The following NRXN1 variants were observed in gnomAD, a reference collection of about 807,000 sequenced individuals.
NRXN1 encodes the protein neurexin 1.
A neutral mutation model predicts 150.9 loss-of-function variants in NRXN1; 39 were observed. The observed-to-expected ratio is 0.26, with a 90% CI of 0.20 to 0.34. The LOEUF (loss-of-function observed/expected upper bound fraction) is 0.34, where lower values mean the gene tolerates loss of function less well. Ranked by LOEUF, NRXN1 falls within the 10% of genes least tolerant of loss-of-function variation. The pLI, the probability that NRXN1 is intolerant of heterozygous loss-of-function variation, is 1.00. For synonymous variants in NRXN1, 924 were observed against 757.0 expected, an observed-to-expected ratio of 1.22 and a Z score of -3.62; for missense variants, 1,815 against 1,949.9, an observed-to-expected ratio of 0.93 and a Z score of 1.30.
intron 5 of NRXN1, among the ~76,000 whole-genome samples, chr2:50,896,144 C>A (rs1416383936): frequency 6.6e-6 from 1 of 152,088 alleles, no homozygotes; most frequent in East Asian, 1.9e-4. Flanking sequence ...TTACTGAGTC[C>A]TGTTAGAGAA....
At chr2:50,441,387 T>C (rs1176129955) in intron 17 of NRXN1, among the ~76,000 whole-genome samples, 3 of 152,202 alleles carry the variant, frequency 2.0e-5, no homozygotes, top group East Asian at 1.9e-4. Flanking sequence ...TAAGTAGAGA[T>C]ATATTTCTTG....
chr2:50,107,539 A>ATATATATATATATT (rs59921941), intron 18 of NRXN1, among the ~76,000 whole-genome samples: 175 of 129,840 alleles, frequency 1.3e-3, no homozygotes, highest in African/African-American at 3.6e-3. Flanking sequence ...ATATATATAT[A>ATATATATATATATT]TTTTTTTTTT....
chr2:50,778,992 T>C (rs1282316971), intron 5 of NRXN1, among the ~76,000 whole-genome samples: 2 of 152,198 alleles, frequency 1.3e-5, no homozygotes, highest in African/African-American at 4.8e-5. Context: ...GCCAAGACTA[T>C]GTCTCTGTAC....
At chr2:50,214,969 C>G (rs1027932219) in intron 18 of NRXN1, among the ~76,000 whole-genome samples, 18 of 151,978 alleles carry the variant, frequency 1.2e-4, no homozygotes, top group African/African-American at 4.1e-4. Flanking sequence ...TTTAATATAG[C>G]TAGGTCCCTG....
chr2:50,009,741 C>T (rs1685346744), intron 21 of NRXN1, among the ~76,000 whole-genome samples: 1 of 152,104 alleles, frequency 6.6e-6, no homozygotes, highest in Non-Finnish European at 1.5e-5. Flanking sequence ...TATTAAAATA[C>T]ACCAAGTTCT....
At position 49,947,521 on chromosome 2, in the gene NRXN1, T is replaced by C. The variant is rs1216346589; in HGVS notation, c.4129-3730A>G. On this transcript the variant is annotated intron_variant, in intron 21 of 22. Transcript: ENST00000401669. ...TTTCTTTCTTTTTTTTTTCTTTTTT[T>C]TTTTTTTTTTGTAGAGATAAGGTTC... Among the ~76,000 whole-genome samples the C allele has an allele frequency of 4.1e-5, 6 of 145,020 alleles. No individual in the cohort carries two copies. The South Asian group carries it at 8.9e-4, about 21-fold the overall frequency.
chr2:50,846,804 T>C (rs952562208), intron 5 of NRXN1, among the ~76,000 whole-genome samples: 1 of 152,182 alleles, frequency 6.6e-6, no homozygotes, highest in African/African-American at 2.4e-5. Flanking sequence ...CAAGCCCCTA[T>C]AACAAAAGAC....
intron 5 of NRXN1, among the ~76,000 whole-genome samples, chr2:50,652,471 G>C (rs1685783797): frequency 6.6e-6 from 1 of 151,950 alleles, no homozygotes; most frequent in Non-Finnish European, 1.5e-5. Flanking sequence ...CAATTAATAG[G>C]GAACCACATA....
At chr2:50,766,852 T>C (rs1055825470) in intron 5 of NRXN1, among the ~76,000 whole-genome samples, 1 of 152,012 alleles carries the variant, frequency 6.6e-6, no homozygotes, top group Non-Finnish European at 1.5e-5. Context: ...AATTTAGTAA[T>C]TAGTGAAAGT....
At chr2:50,356,567 C>T (rs1427733225) in intron 17 of NRXN1, among the ~76,000 whole-genome samples, 4 of 152,138 alleles carry the variant, frequency 2.6e-5, no homozygotes, top group Non-Finnish European at 4.4e-5. Flanking sequence ...CCCCGGAGAA[C>T]TGTGTGTTTA....
At chr2:50,730,764 C>T (rs896799623) in intron 5 of NRXN1, among the ~76,000 whole-genome samples, 3 of 151,116 alleles carry the variant, frequency 2.0e-5, no homozygotes, top group African/African-American at 7.3e-5. Flanking sequence ...GCTCCGCCTC[C>T]CGGGTTCACG....
intron 21 of NRXN1, among the ~76,000 whole-genome samples, chr2:49,993,766 C>T (rs1363031): frequency 3.3e-5 from 5 of 151,908 alleles, no homozygotes; most frequent in Non-Finnish European, 5.9e-5. Flanking sequence ...AATAGAAAAA[C>T]GTAAGGCAAT....
At chr2:50,864,225 C>T (rs986121709) in intron 5 of NRXN1, among the ~76,000 whole-genome samples, 4 of 152,062 alleles carry the variant, frequency 2.6e-5, no homozygotes, top group African/African-American at 9.6e-5. Context: ...AAAACATCAA[C>T]TAAGACCCAG....
At chr2:49,976,719 GTTCTT>G (rs1283946074) in intron 21 of NRXN1, among the ~76,000 whole-genome samples, 2 of 152,144 alleles carry the variant, frequency 1.3e-5, no homozygotes, top group African/African-American at 4.8e-5. Flanking sequence ...TCAACTTGAA[GTTCTT>G]TTATCTATGA....
intron 5 of NRXN1, among the ~76,000 whole-genome samples, chr2:50,628,248 T>C (rs1681538491): frequency 6.6e-6 from 1 of 151,860 alleles, no homozygotes; most frequent in Non-Finnish European, 1.5e-5. Flanking sequence ...TGAAGTTATA[T>C]GGGTGTTGAT....
chr2:50,355,252 T>G (rs951796415), intron 17 of NRXN1, among the ~76,000 whole-genome samples: 4 of 141,574 alleles, frequency 2.8e-5, no homozygotes, highest in African/African-American at 1.1e-4. Context: ...ATTATATATA[T>G]ATACATATAT....
At chr2:50,787,815 G>C (rs1705352766) in intron 5 of NRXN1, among the ~76,000 whole-genome samples, 1 of 151,964 alleles carries the variant, frequency 6.6e-6, no homozygotes, top group African/African-American at 2.4e-5. Flanking sequence ...CGAGAGGTAA[G>C]GACTGCTTTT....
rs562452293 is a variant in NRXN1 at position 50,151,067 on chromosome 2, C to T, written c.3547-59573G>A. On this transcript the variant is annotated intron_variant, in intron 18 of 22. Coordinates refer to ENST00000401669, the MANE Select transcript of NRXN1 (RefSeq NM_001330078.2). Reference sequence around the variant, plus strand: ...AAGAGTTCTCAGAAACTAAGTTTTTCACCTCAAGGAAAAGCCTAGTCTGCA... The same window carrying T: ...AAGAGTTCTCAGAAACTAAGTTTTTTACCTCAAGGAAAAGCCTAGTCTGCA... Among the ~76,000 whole-genome samples the T allele has an allele frequency of 7.9e-5, 12 of 151,788 alleles. No individual in the cohort carries two copies. The Middle Eastern group carries it at 0.01, about 129-fold the overall frequency.
chr2:50,408,658 T>C (rs2082920933), intron 17 of NRXN1, among the ~76,000 whole-genome samples: 1 of 152,154 alleles, frequency 6.6e-6, no homozygotes, highest in African/African-American at 2.4e-5. Flanking sequence ...TGTGTGTATG[T>C]GTGTGTGTAT....
Sources: allele counts gnomAD v4.1 joint callset (sites outside exome capture counted in the v4.1 genomes callset), GRCh38; gene constraint gnomAD v4.1.1; transcripts MANE v1.5; gene names NCBI Gene and HGNC (gene_info 2026-07-23, HGNC 2026-07-21).